Variants in PRKG1 observed in about 807,000 individuals in gnomAD.
The protein encoded by PRKG1 is protein kinase cGMP-dependent 1, also known as cGMP-dependent protein kinase 1.
PRKG1 carries 35 observed loss-of-function variants against 88.1 expected under a neutral mutation model. The observed-to-expected ratio is 0.40, with a 90% CI of 0.30 to 0.53. PRKG1 has a LOEUF of 0.53. Ranked by LOEUF, PRKG1 falls within the 20% of genes least tolerant of loss-of-function variation. The probability of loss-of-function intolerance (pLI) is 0.59; values close to 1 mark genes in which losing one functional copy is unlikely to be tolerated. For synonymous variants in PRKG1, 303 were observed against 292.5 expected, an observed-to-expected ratio of 1.04 and a Z score of -0.37; for missense variants, 540 against 839.8, an observed-to-expected ratio of 0.64 and a Z score of 4.41.
intron 3 of PRKG1, among the ~76,000 whole-genome samples, chr10:51,767,627 A>T (rs1045788475): frequency 3.4e-5 from 5 of 148,918 alleles, no homozygotes; most frequent in African/African-American, 9.8e-5. Flanking sequence ...TAGCTTTTGA[A>T]TTTTTTTTTT....
intron 2 of PRKG1, among the ~76,000 whole-genome samples, chr10:51,181,282 C>T (rs1257312517): frequency 2.3e-5 from 3 of 131,428 alleles, no homozygotes; most frequent in East Asian, 2.1e-4. Context: ...TCGCCCAGGC[C>T]GGGCTGCGGA....
Position 51,907,590 on chromosome 10 carries a change from G to C in PRKG1, c.762+20G>C. On this transcript the variant is annotated intron_variant, in intron 5 of 17. Transcript: ENST00000373980. ...GAAGAGGTAATTGTTTTTAGCCTTT[G>C]AACTTTTTGAGATGGGATCCAGCCT... is the stretch of plus-strand genomic sequence containing the variant. 1 of 1,604,852 alleles carries C rather than the reference G, an allele frequency of 6.2e-7. No homozygotes were observed. The highest frequency in any genetic ancestry group is 8.5e-7 in the Non-Finnish European group (1 of 1,172,048).
rs75365415 is a variant in PRKG1, at chr10:51,294,592, T to G, written c.478+141262T>G. On this transcript the variant is annotated intron_variant, in intron 2 of 17. Coordinates refer to ENST00000373980, the MANE Select transcript of PRKG1 (RefSeq NM_006258.4). Reference sequence around the variant, plus strand: ...TGCCATTACTTTTAATGTTAATTAGTGTAATTTAAAGTAATGGGAATACCA... The same window carrying G: ...TGCCATTACTTTTAATGTTAATTAGGGTAATTTAAAGTAATGGGAATACCA... Among the ~76,000 whole-genome samples the G allele has an allele frequency of 9.9e-3, 1,513 of 152,300 alleles. 23 individuals are homozygous for G. Among genetic ancestry groups the G allele is most frequent in the African/African-American group, 0.034 (1,403 of 41,558 alleles).
chr10:51,432,072 A>G (rs926261775), intron 2 of PRKG1, among the ~76,000 whole-genome samples: 4 of 152,192 alleles, frequency 2.6e-5, no homozygotes, highest in Admixed American at 6.5e-5. Flanking sequence ...AAACACATGT[A>G]CCACATATCC....
At chr10:52,104,011 AT>A (rs1564470216) in intron 7 of PRKG1, among the ~76,000 whole-genome samples, 20 of 81,156 alleles carry the variant, frequency 2.5e-4, no homozygotes, top group South Asian at 2.0e-3. Flanking sequence ...TATATATAAT[AT>A]ATATATATAT....
At chr10:51,339,067 A>C (rs1015143187) in intron 2 of PRKG1, among the ~76,000 whole-genome samples, 1 of 152,232 alleles carries the variant, frequency 6.6e-6, no homozygotes, top group Non-Finnish European at 1.5e-5. Context: ...GGGAATTCCC[A>C]TAAGTAGTCT....
rs1385403495 is a variant in PRKG1, at chr10:52,296,746, G to A, written c.*2846G>A. ...AAGGGAAGCAACATTAAAACAACTG[G>A]GATAGATTGAATACATTTGAAAAAA... On this transcript the variant is annotated 3_prime_UTR_variant, in exon 18 of 18. Transcript: ENST00000373980. 1.3e-5 allele frequency: 2 copies of A among 151,938 alleles called. No individual in the cohort carries two copies. Among genetic ancestry groups the A allele is most frequent in the African/African-American group, 4.8e-5 (2 of 41,382 alleles). The allele number at this position is 151,938 out of a possible 1,614,324, so 9.4% of individuals were successfully genotyped here. A position where few individuals can be genotyped will look rare whatever the true frequency, so the allele number is the denominator to read the frequency against.
intron 2 of PRKG1, among the ~76,000 whole-genome samples, chr10:51,394,681 G>T (rs1006707038): frequency 6.6e-6 from 1 of 152,146 alleles, no homozygotes; most frequent in African/African-American, 2.4e-5. Context: ...TATTCAGTAA[G>T]GATTTATTTC....
In PRKG1 at chr10:51,083,322, T is replaced by C. The variant is rs368757988; in HGVS notation, c.311+8421T>C. Among the ~76,000 whole-genome samples the C allele has an allele frequency of 5.3e-4, 81 of 152,258 alleles. 2 individuals carry two copies. The East Asian group carries it at 0.011, about 21-fold the overall frequency. Reference sequence around the variant, plus strand: ...TTAGGATCAGCTTTCATCCCAAGTTTTTTGTTTGTTTGTTTTGTTTTTAAA... The same window carrying C: ...TTAGGATCAGCTTTCATCCCAAGTTCTTTGTTTGTTTGTTTTGTTTTTAAA... On this transcript the variant is annotated intron_variant, in intron 1 of 17. Transcript: ENST00000373980.
chr10:51,228,488 T>G (rs1022874780), intron 2 of PRKG1, among the ~76,000 whole-genome samples: 1 of 152,234 alleles, frequency 6.6e-6, no homozygotes, highest in African/African-American at 2.4e-5. Flanking sequence ...ACTCTTCATA[T>G]GTAATCCTGT....
chr10:51,898,124 C>T lies in PRKG1; in HGVS notation c.699-9383C>T, dbSNP rs192978371. Among the ~76,000 whole-genome samples the T allele has an allele frequency of 1.1e-4, 16 of 152,228 alleles. No individual in the cohort carries two copies. The East Asian group carries it at 2.1e-3, about 20-fold the overall frequency. On this transcript the variant is annotated intron_variant, in intron 4 of 17. Transcript: ENST00000373980. ...AAACCCTTGGCTCACTCTGTTCACT[C>T]TGCCTGGATGCTCTTCCCCAGAATC...
intron 1 of PRKG1, among the ~76,000 whole-genome samples, chr10:51,125,744 A>T (rs960266417): frequency 4.1e-5 from 6 of 146,208 alleles, no homozygotes; most frequent in Admixed American, 2.1e-4. Flanking sequence ...GTGTTTTTAA[A>T]TATCTACATA....
At chr10:51,415,052 A>T (rs986071651) in intron 2 of PRKG1, among the ~76,000 whole-genome samples, 1 of 152,190 alleles carries the variant, frequency 6.6e-6, no homozygotes, top group Non-Finnish European at 1.5e-5. Context: ...TAACATTATG[A>T]CTACTTTCAT....
intron 9 of PRKG1, among the ~76,000 whole-genome samples, chr10:52,196,768 C>T (rs1228181373): frequency 6.6e-6 from 1 of 152,018 alleles, no homozygotes; most frequent in Non-Finnish European, 1.5e-5. Flanking sequence ...AATAAAACTT[C>T]CCTGGGTGAA....
intron 3 of PRKG1, among the ~76,000 whole-genome samples, chr10:51,504,421 T>C (rs1470893960): frequency 1.3e-5 from 2 of 152,186 alleles, no homozygotes; most frequent in Non-Finnish European, 2.9e-5. Flanking sequence ...TCCAGCTTTG[T>C]TCTTTTGGCT....
intron 7 of PRKG1, among the ~76,000 whole-genome samples, chr10:52,104,796 T>G (rs1396501551): frequency 6.6e-6 from 1 of 152,152 alleles, no homozygotes; most frequent in Non-Finnish European, 1.5e-5. Flanking sequence ...CAGTGGCACG[T>G]AACCTGATAA....
At chr10:52,278,579 C>T (rs1293393856) in intron 12 of PRKG1, among the ~76,000 whole-genome samples, 2 of 152,054 alleles carry the variant, frequency 1.3e-5, no homozygotes, top group Non-Finnish European at 2.9e-5. Context: ...CAATGACAGA[C>T]AGGATAAAGA....
chr10:51,522,733 A>G (rs1841766580), intron 3 of PRKG1, among the ~76,000 whole-genome samples: 1 of 152,170 alleles, frequency 6.6e-6, no homozygotes, highest in African/African-American at 2.4e-5. Flanking sequence ...TCCAAACAAA[A>G]TATTGGTACA....
Position 51,406,892 on chromosome 10 carries a change from C to T in PRKG1, c.479-60831C>T, listed in dbSNP as rs1484337001. ...TAACTCACACGATCAGAAGGTCCCACAATCAGCCGTCTGCAAGCTGACGAG... is the reference window on the plus strand; with the variant it reads ...TAACTCACACGATCAGAAGGTCCCATAATCAGCCGTCTGCAAGCTGACGAG... On this transcript the variant is annotated intron_variant, in intron 2 of 17. Coordinates refer to ENST00000373980, the MANE Select transcript of PRKG1 (RefSeq NM_006258.4). Among the ~76,000 whole-genome samples the T allele has an allele frequency of 3.3e-5, 5 of 152,280 alleles. No homozygotes were observed. In the East Asian group the frequency reaches 9.6e-4, roughly 29 times the overall value.
Sources: allele counts gnomAD v4.1 joint callset (sites outside exome capture counted in the v4.1 genomes callset), GRCh38; gene constraint gnomAD v4.1.1; transcripts MANE v1.5; gene names NCBI Gene and HGNC (gene_info 2026-07-23, HGNC 2026-07-21).